The following GRM7 variants were observed in gnomAD, a reference collection of about 807,000 sequenced individuals.
GRM7 encodes metabotropic glutamate receptor 7.
In GRM7, 35 loss-of-function variants were observed where a neutral mutation model predicts 84.5. The ratio of observed to expected loss-of-function variants is 0.41; its 90% CI spans 0.32 to 0.55. The LOEUF is 0.55. Among genes scored for constraint, GRM7 ranks in the 20% least tolerant of loss-of-function variants. GRM7 has a pLI of 0.19. For missense variants in GRM7, 1,003 were observed against 1,194.6 expected, an observed-to-expected ratio of 0.84 and a Z score of 2.36; for synonymous variants, 487 against 455.1, an observed-to-expected ratio of 1.07 and a Z score of -0.89.
intron 9 of GRM7, among the ~76,000 whole-genome samples, chr3:7,719,779 AACACACACACACACAC>A (rs71043692): frequency 2.6e-4 from 35 of 133,542 alleles, no homozygotes; most frequent in East Asian, 8.8e-4. Context: ...ACCACTGGGC[AACACACACACACACAC>A]ACACACACAC....
At position 7,123,607 on chromosome 3, in the gene GRM7, G is replaced by A. The variant is rs186263949; in HGVS notation, c.520-22845G>A. On this transcript the variant is annotated intron_variant, in intron 1 of 9. Coordinates refer to ENST00000357716, the MANE Select transcript of GRM7 (RefSeq NM_000844.4). ...GTACTCCAGCCTGGGCAAGAGTGAA[G>A]CTCTGTCTCAGAAAAAAGAAAAAAA... Among the ~76,000 whole-genome samples, 369 of 151,868 alleles carry A rather than the reference G, an allele frequency of 2.4e-3. 2 individuals carry two copies. The highest frequency in any genetic ancestry group is 4.5e-3 in the Admixed American group (69 of 15,242).
intron 1 of GRM7, among the ~76,000 whole-genome samples, chr3:7,005,943 C>G (rs931404403): frequency 1.3e-5 from 2 of 152,158 alleles, no homozygotes; most frequent in Non-Finnish European, 2.9e-5. Flanking sequence ...CTGGCCAGAA[C>G]TGTGTCATAT....
rs577668168 is a variant in GRM7 at position 6,877,509 on chromosome 3, T to A, written c.519+15602T>A. Among the ~76,000 whole-genome samples, 7 of 152,316 alleles carry A rather than the reference T, an allele frequency of 4.6e-5. No homozygotes were observed. The East Asian group carries it at 1.4e-3, about 29-fold the overall frequency. The stretch of plus-strand genomic sequence containing the variant: ...ATCCCCTGCTACTCCTGCTTTTACA[T>A]GCCAAGCAAGGGCCTTCTCATCTCG... On this transcript the variant is annotated intron_variant, in intron 1 of 9. Coordinates refer to ENST00000357716, the MANE Select transcript of GRM7 (RefSeq NM_000844.4).
intron 8 of GRM7, among the ~76,000 whole-genome samples, chr3:7,679,233 T>G (rs919850262): frequency 9.2e-5 from 14 of 152,164 alleles, no homozygotes; most frequent in Non-Finnish European, 1.8e-4. Context: ...GTTCTGTGAT[T>G]GAATGAGTAC....
intron 8 of GRM7, chr3:7,607,446 A>G (rs1410743261): frequency 6.6e-6 from 1 of 152,182 alleles, no homozygotes; most frequent in African/African-American, 2.4e-5. Context: ...TATAAAGAAA[A>G]CCAAAACAAA....
rs549702829 is a variant in GRM7 at position 6,998,816 on chromosome 3, A to G, written c.519+136909A>G. ...GCCAGAGGTAGAGCAGCTGGGATGCAGGGCACCATGACCCTAGGCTGCACA... is the reference window on the plus strand; with the variant it reads ...GCCAGAGGTAGAGCAGCTGGGATGCGGGGCACCATGACCCTAGGCTGCACA... On this transcript the variant is annotated intron_variant, in intron 1 of 9. Transcript: ENST00000357716. Among the ~76,000 whole-genome samples, 102 of 152,328 alleles carry G rather than the reference A, an allele frequency of 6.7e-4. No homozygotes were observed. In the South Asian group the frequency reaches 0.013, roughly 19 times the overall value.
intron 2 of GRM7, among the ~76,000 whole-genome samples, chr3:7,210,152 G>T (rs1696373716): frequency 1.3e-5 from 2 of 152,166 alleles, no homozygotes; most frequent in African/African-American, 4.8e-5. Flanking sequence ...ATTCTTCATG[G>T]TAATGGGCAG....
At chr3:7,293,422 A>G (rs1333026210) in intron 2 of GRM7, among the ~76,000 whole-genome samples, 2 of 152,102 alleles carry the variant, frequency 1.3e-5, no homozygotes, top group Non-Finnish European at 2.9e-5. Flanking sequence ...TCTCTCTTGT[A>G]TGTATCACTC....
chr3:7,032,507 G>A (rs1696227715), intron 1 of GRM7, among the ~76,000 whole-genome samples: 1 of 152,186 alleles, frequency 6.6e-6, no homozygotes, highest in African/African-American at 2.4e-5. Context: ...TCAGCCAGAA[G>A]TGTACTTGGA....
chr3:6,947,094 A>T (rs1698114524), intron 1 of GRM7, among the ~76,000 whole-genome samples: 1 of 152,192 alleles, frequency 6.6e-6, no homozygotes, highest in Non-Finnish European at 1.5e-5. Flanking sequence ...ACTATGTTGA[A>T]TACGAGTGGT....
chr3:7,368,953 A>T (rs982631907), intron 4 of GRM7, among the ~76,000 whole-genome samples: 30 of 150,590 alleles, frequency 2.0e-4, no homozygotes, highest in Admixed American at 1.9e-3. Context: ...ATTTGATCCC[A>T]TTACTTTTCA....
rs71063284 is a variant in GRM7, at chr3:7,162,729, A to ATTTTTTTTTTTTTTT, written c.736+16095_736+16109dup. ...CAATCTCCCATTACTCCCATTTTTCATTTTTTTTTTTTTTTTTTTTTTTTT... is the reference window on the plus strand; with the variant it reads ...CAATCTCCCATTACTCCCATTTTTCATTTTTTTTTTTTTTTTTTTTTTTTTTTTTTTTTTTTTTTT... On this transcript the variant is annotated intron_variant, in intron 2 of 9. Transcript: ENST00000357716. Among the ~76,000 whole-genome samples, 12 of 54,716 alleles carry ATTTTTTTTTTTTTTT rather than the reference A, an allele frequency of 2.2e-4. 2 individuals carry two copies. The highest frequency in any genetic ancestry group is 8.4e-4 in the Admixed American group (3 of 3,580). The allele number at this position is 54,716 out of a possible 152,430, so 35.9% of individuals were successfully genotyped here. A position where few individuals can be genotyped will look rare whatever the true frequency, so the allele number is the denominator to read the frequency against.
intron 2 of GRM7, among the ~76,000 whole-genome samples, chr3:7,244,912 A>C (rs1328640163): frequency 2.0e-5 from 3 of 152,096 alleles, no homozygotes; most frequent in Non-Finnish European, 4.4e-5. Flanking sequence ...ACTATGTTTA[A>C]GAACTTACAG....
chr3:7,129,461 A>C (rs1693518319), intron 1 of GRM7, among the ~76,000 whole-genome samples: 1 of 152,236 alleles, frequency 6.6e-6, no homozygotes, highest in Admixed American at 6.5e-5. Flanking sequence ...ATACTGGCTA[A>C]AAAATTACAT....
intron 1 of GRM7, among the ~76,000 whole-genome samples, chr3:6,916,880 A>G (rs1696958953): frequency 6.6e-6 from 1 of 152,178 alleles, no homozygotes; most frequent in South Asian, 2.1e-4. Context: ...TGTTTCTAAG[A>G]AACTGAAATG....
At chr3:7,057,239 A>T (rs763553421) in intron 1 of GRM7, among the ~76,000 whole-genome samples, 38 of 151,880 alleles carry the variant, frequency 2.5e-4, no homozygotes, top group Non-Finnish European at 4.3e-4. Context: ...TGCTTAAGGG[A>T]ATGTTGGAGA....
intron 8 of GRM7, among the ~76,000 whole-genome samples, chr3:7,641,167 C>A (rs1349714836): frequency 6.6e-6 from 1 of 152,080 alleles, no homozygotes; most frequent in Non-Finnish European, 1.5e-5. Context: ...CCTACTTCTT[C>A]CAAAAACTCT....
chr3:7,313,140 G>A (rs535153845), intron 4 of GRM7, among the ~76,000 whole-genome samples: 2 of 151,794 alleles, frequency 1.3e-5, no homozygotes, highest in Admixed American at 1.3e-4. Flanking sequence ...TGTTGGTCAG[G>A]CTGGTCTCAA....
intron 9 of GRM7, among the ~76,000 whole-genome samples, chr3:7,699,701 T>C (rs942551551): frequency 1.3e-5 from 2 of 152,182 alleles, no homozygotes; most frequent in African/African-American, 4.8e-5. Context: ...ATTATTTTCT[T>C]AGCCCTCTTT....
Sources: gnomAD v4.1 joint callset for allele counts (sites outside exome capture counted in the v4.1 genomes callset) on GRCh38, gnomAD v4.1.1 for gene constraint, MANE v1.5 for transcripts, NCBI Gene and HGNC (gene_info 2026-07-23, HGNC 2026-07-21) for gene names.